APC: variants seen among roughly 807,000 people sequenced by gnomAD.
APC encodes APC regulator of Wnt signaling pathway, also known as adenomatous polyposis coli protein.
Under a neutral mutation model 247.0 loss-of-function variants are expected in APC, and 72 were observed. That is an observed-to-expected ratio of 0.29 (90% CI 0.24 to 0.35). The LOEUF (loss-of-function observed/expected upper bound fraction) is 0.35. APC is among the 10% of genes least tolerant of loss of function. The pLI, the probability that APC is intolerant of heterozygous loss-of-function variation, is 1.00. For missense variants in APC, 3,400 were observed against 3,360.7 expected (o/e 1.01, Z -0.29); for synonymous variants, 1,254 against 1,162.5 (o/e 1.08, Z -1.60).
Position 112,845,494 on chromosome 5 carries a change from G to A in APC, c.*1368G>A, listed in dbSNP as rs1023200771. On this transcript the variant is annotated 3_prime_UTR_variant, in exon 16 of 16. Transcript: ENST00000257430. Reference sequence around the variant, plus strand: ...ATGAACACTTTTTATCACCCTGTATGTTAGGGCAAGATCTCAGCAGTGAAG... The same window carrying A: ...ATGAACACTTTTTATCACCCTGTATATTAGGGCAAGATCTCAGCAGTGAAG... The A allele has an allele frequency of 8.6e-6, 2 of 233,336 alleles. No homozygotes were observed. 14.5% of individuals were successfully genotyped at this position (233,336 alleles called of 1,614,324 possible).
chr5:112,708,004 A>C, intron 1 of APC: 3 of 1,008,014 alleles, frequency 3.0e-6, no homozygotes, highest in Non-Finnish European at 3.9e-6. Context: ...TCCATGTCTC[A>C]CCCTCTCCCC....
chr5:112,746,712 A>C (rs1470411745), intron 1 of APC, among the ~76,000 whole-genome samples: 1 of 152,264 alleles, frequency 6.6e-6, no homozygotes, highest in African/African-American at 2.4e-5. Context: ...AAATCTGAGT[A>C]AGAATATTAA....
chr5:112,711,558 A>G (rs763425500), intron 1 of APC, among the ~76,000 whole-genome samples: 44 of 152,202 alleles, frequency 2.9e-4, no homozygotes, highest in Non-Finnish European at 5.3e-4. Context: ...AATGGGATTT[A>G]AAAATGAAAG....
chr5:112,817,465 T>G (rs1762628454), intron 9 of APC, among the ~76,000 whole-genome samples: 1 of 152,194 alleles, frequency 6.6e-6, no homozygotes, highest in Non-Finnish European at 1.5e-5. Context: ...ACCTTATCTC[T>G]GGTCCTCTCC....
intron 2 of APC, among the ~76,000 whole-genome samples, chr5:112,756,695 T>G (rs562802069): frequency 6.6e-6 from 1 of 152,280 alleles, no homozygotes; most frequent in East Asian, 1.9e-4. Context: ...AGAGACAATG[T>G]AACTTACCCT....
Position 112,819,315 on chromosome 5 carries a change from A to G in APC, c.1283A>G (p.Glu428Gly), listed in dbSNP as rs750487805. 5.0e-6 allele frequency: 8 copies of G among 1,613,962 alleles called. No individual in the cohort carries two copies. Among genetic ancestry groups the G allele is most frequent in the African/African-American group, 1.3e-5 (1 of 74,928 alleles). The part of the protein sequence containing the change: ...ETCWEWQEAH[E>G]PGMDQDKNPM... Reference sequence around the variant, plus strand: ...TGTTGGGAGTGGCAGGAAGCTCATGAACCAGGCATGGACCAGGACAAAAAT... The same window carrying G: ...TGTTGGGAGTGGCAGGAAGCTCATGGACCAGGCATGGACCAGGACAAAAAT... Residue 428 changes from glutamate to glycine, a missense_variant, in exon 10 of 16, where the codon GAA (glutamate) becomes GGA (glycine). Physicochemically the swap from Glu to Gly is moderately conservative, Grantham distance 98 (BLOSUM62 -2). Coordinates refer to ENST00000257430, the MANE Select transcript of APC (RefSeq NM_000038.6).
intron 6 of APC, among the ~76,000 whole-genome samples, chr5:112,791,397 T>C (rs1245895452): frequency 6.6e-6 from 1 of 152,212 alleles, no homozygotes; most frequent in Non-Finnish European, 1.5e-5. Flanking sequence ...TTGGGCCTAC[T>C]GTTTAAACCA....
rs1163442131 is a variant in APC, at chr5:112,707,867, G to C, written c.150G>C (p.Trp50Cys). ...GCGGCGCTCGTACTTCTGGCCACTG[G>C]GCGAGCGTCTGGCAGGTGAGTGAGG... The change falls in exon 1 of 14, where the codon TGG becomes TGC. Residue 50 changes from tryptophan (W) to cysteine (C), a missense_variant. Coordinates refer to the APC transcript ENST00000507379. The C allele has an allele frequency of 7.3e-7, 1 of 1,369,442 alleles. No individual in the cohort carries two copies. Among genetic ancestry groups the C allele is most frequent in the African/African-American group, 1.4e-5 (1 of 69,698 alleles). The allele number at this position is 1,369,442 out of a possible 1,614,324, so 84.8% of individuals were successfully genotyped here.
Position 112,806,011 on chromosome 5 carries a change from A to C in APC, c.834+4628A>C, listed in dbSNP as rs141401498. ...TCACATCTTGCTCTCACACCTCCAC[A>C]CTGGCCTTCTCTCAGTACCTCATAT... On this transcript the variant is annotated intron_variant, in intron 8 of 15. Transcript: ENST00000257430. 6.6e-3 allele frequency among the ~76,000 whole-genome samples: 997 copies of C among 152,204 alleles called. 9 individuals carry two copies. The highest frequency in any genetic ancestry group is 0.01 in the Non-Finnish European group (695 of 68,000).
intron 14 of APC, among the ~76,000 whole-genome samples, chr5:112,833,037 TTTTTGC>T (rs199628021): frequency 0.019 from 2,862 of 151,750 alleles, 34 homozygotes; most frequent in Non-Finnish European, 0.03. Flanking sequence ...GGGTTTTTTT[TTTTTGC>T]TTTTGCTTTT....
chr5:112,757,457 G>T (rs1253491343), intron 2 of APC, among the ~76,000 whole-genome samples: 3 of 151,990 alleles, frequency 2.0e-5, no homozygotes, highest in Non-Finnish European at 4.4e-5. Context: ...AAGGAGGCTG[G>T]GCACCGTGGC....
rs863224539 is a variant in APC at position 112,766,399 on chromosome 5, A to G, written c.209A>G (p.Glu70Gly). ...MASSGQIDLL[E>G]RLKELNLDSS... ...TCTTCTGGACAGATTGATTTATTAG[A>G]GCGTCTTAAAGGTAGATTTTAAAAA... is the stretch of plus-strand genomic sequence containing the variant. The change falls in exon 3 of 16, where the codon GAG becomes GGG. Residue 70 changes from glutamate to glycine, a missense_variant. Around this residue, in one of 9 missense-constraint regions of APC, gnomAD observed 372 missense variants for 367.6 expected, o/e 1.01. Transcript: ENST00000257430. 6.2e-7 allele frequency: 1 copy of G among 1,608,582 alleles called. No individual in the cohort carries two copies.
intron 8 of APC, among the ~76,000 whole-genome samples, chr5:112,807,745 G>T (rs891282356): frequency 6.6e-6 from 1 of 151,942 alleles, no homozygotes; most frequent in Non-Finnish European, 1.5e-5. Flanking sequence ...GATTCATATC[G>T]ACATGTAACC....
chr5:112,841,719 G>T lies in APC; in HGVS notation c.6125G>T (p.Cys2042Phe). Residue 2042 changes from cysteine to phenylalanine, a missense_variant, in exon 16 of 16, where the codon TGT becomes TTT. This residue lies in a region of APC where 1,788 missense variants were observed against 1,649.5 expected (regional missense o/e 1.08). Coordinates refer to ENST00000257430, the MANE Select transcript of APC (RefSeq NM_000038.6). This position sits in a 1 kb window ranked among gnomAD's most constrained non-coding sequence, Gnocchi z 4.6. ...IDSEDDLLQE[C>F]ISSAMPKKKK... is the part of the protein sequence containing the mutation. ...TCTGAAGATGACCTGTTGCAGGAAT[G>T]TATAAGCTCCGCAATGCCAAAAAAG... 1.2e-6 allele frequency: 2 copies of T among 1,613,818 alleles called. No homozygotes were observed. Among genetic ancestry groups the T allele is most frequent in the Non-Finnish European group, 1.7e-6 (2 of 1,179,736 alleles).
intron 1 of APC, among the ~76,000 whole-genome samples, chr5:112,713,181 A>C (rs1263307255): frequency 6.6e-6 from 1 of 151,922 alleles, no homozygotes; most frequent in Non-Finnish European, 1.5e-5. Context: ...AAAAAAAAAA[A>C]AAAAACCAGT....
At chr5:112,769,117 T>C (rs1191919480) in intron 4 of APC, among the ~76,000 whole-genome samples, 1 of 136,894 alleles carries the variant, frequency 7.3e-6, no homozygotes, top group Non-Finnish European at 1.5e-5. Context: ...AGTGGCGCAA[T>C]CTTGGCTCCT....
In APC at chr5:112,845,619, C is replaced by G. The variant is rs566519137; in HGVS notation, c.*1493C>G. On this transcript the variant is annotated 3_prime_UTR_variant, in exon 16 of 16. Transcript: ENST00000257430. ...ATATTCAGAAGTATATTTTAGAATCCCTGCCTGTTAAGGAAACTTTATTTG... is the reference window on the plus strand; with the variant it reads ...ATATTCAGAAGTATATTTTAGAATCGCTGCCTGTTAAGGAAACTTTATTTG... The G allele has an allele frequency of 4.3e-6, 1 of 232,182 alleles. No homozygotes were observed. The highest frequency in any genetic ancestry group is 5.6e-5 in the Admixed American group (1 of 17,772). The allele number at this position is 232,182 out of a possible 1,614,324, so 14.4% of individuals were successfully genotyped here. A position where few individuals can be genotyped will look rare whatever the true frequency, so the allele number is the denominator to read the frequency against.
upstream of APC, among the ~76,000 whole-genome samples, chr5:112,734,543 C>T (rs1310538884): frequency 6.6e-6 from 1 of 151,982 alleles, no homozygotes; most frequent in Non-Finnish European, 1.5e-5. Context: ...AAAAAAAAAG[C>T]TTGTTGATAT....
At chr5:112,744,220 AC>A (rs1753378975) in intron 1 of APC, among the ~76,000 whole-genome samples, 1 of 152,160 alleles carries the variant, frequency 6.6e-6, no homozygotes, top group Admixed American at 6.5e-5. Context: ...ATAATAAGAT[AC>A]CTAAATATGG....
Sources: gnomAD v4.1 joint callset for allele counts (sites outside exome capture counted in the v4.1 genomes callset) on GRCh38, gnomAD v4.1.1 for gene constraint, gnomAD v4.1.1 regional missense constraint, Gnocchi (gnomAD v3.1) non-coding constraint, MANE v1.5 for transcripts, NCBI Gene and HGNC (gene_info 2026-07-23, HGNC 2026-07-21) for gene names.